The following NFATC1 variants were observed in gnomAD, a reference collection of about 807,000 sequenced individuals.
NFATC1 encodes the protein nuclear factor of activated T cells 1.
A neutral mutation model predicts 76.0 loss-of-function variants in NFATC1; 22 were observed. The ratio of observed to expected loss-of-function variants is 0.29; its 90% CI spans 0.21 to 0.41. NFATC1 has a LOEUF of 0.41. Among genes scored for constraint, NFATC1 ranks in the 10% least tolerant of loss-of-function variants. NFATC1 has a pLI of 1.00. For missense variants in NFATC1, 1,357 were observed against 1,337.7 expected, an observed-to-expected ratio of 1.01 and a Z score of -0.23; for synonymous variants, 704 against 613.1, an observed-to-expected ratio of 1.15 and a Z score of -2.19.
intron 8 of NFATC1, among the ~76,000 whole-genome samples, chr18:79,480,761 C>T (rs969481531): frequency 1.3e-5 from 2 of 152,200 alleles, no homozygotes; most frequent in Non-Finnish European, 1.5e-5. Flanking sequence ...CAGCTGTGCA[C>T]GGGGCCTCTA....
At chr18:79,443,838 C>T (rs2087085139) in intron 3 of NFATC1, among the ~76,000 whole-genome samples, 1 of 152,224 alleles carries the variant, frequency 6.6e-6, no homozygotes, top group Admixed American at 6.5e-5. Context: ...TGCTGGTCCG[C>T]CCACCCTCTC....
At chr18:79,400,372 C>CGGCCCG (rs2085157223) in intron 1 of NFATC1, 1 of 1,441,522 alleles carries the variant, frequency 6.9e-7, no homozygotes, top group Non-Finnish European at 9.2e-7. Context: ...GCTCCCGCCC[C>CGGCCCG]GGCCCCGGCC....
In NFATC1 at chr18:79,448,770, T is replaced by G; in HGVS notation, c.1387-12T>G. On this transcript the variant is annotated splice_polypyrimidine_tract_variant and intron_variant, in intron 3 of 9. Transcript: ENST00000427363. Reference sequence around the variant, plus strand: ...CTGGGTGCTGAGCAGGTGTTTTCTGTTCTCTCGCCAGCTGCATGGCTACTT... The same window carrying G: ...CTGGGTGCTGAGCAGGTGTTTTCTGGTCTCTCGCCAGCTGCATGGCTACTT... 1 of 1,611,340 alleles carries G rather than the reference T, an allele frequency of 6.2e-7. No individual in the cohort carries two copies. The highest frequency in any genetic ancestry group is 1.7e-4 in the Middle Eastern group (1 of 6,048).
intron 9 of NFATC1, among the ~76,000 whole-genome samples, chr18:79,516,301 G>A (rs181891462): frequency 1.2e-4 from 19 of 152,256 alleles, no homozygotes; most frequent in Non-Finnish European, 2.2e-4. Context: ...GCCCTGTGGC[G>A]GTGGCTTATT....
rs544011435 is a variant in NFATC1, at chr18:79,473,145, G to GCGC, written c.2092+5565_2092+5567dup. The stretch of plus-strand genomic sequence containing the variant: ...ACATTTCCAGCCCACAGCGTGGCCT[G>GCGC]CGCCACGCTCCAGGTCGCCACAGGG... On this transcript the variant is annotated intron_variant, in intron 8 of 9. Transcript: ENST00000427363. Among the ~76,000 whole-genome samples the GCGC allele has an allele frequency of 6.7e-3, 1,015 of 152,356 alleles. 11 individuals carry two copies. The highest frequency in any genetic ancestry group is 0.023 in the African/African-American group (953 of 41,586).
At chr18:79,399,969 TA>T (rs138345861) in intron 1 of NFATC1, among the ~76,000 whole-genome samples, 18 of 149,120 alleles carry the variant, frequency 1.2e-4, no homozygotes, top group South Asian at 4.2e-4. Flanking sequence ...AAAACTTCTT[TA>T]AAAAAAAAAC....
At chr18:79,501,868 TAAATG>T (rs1334029602) in intron 9 of NFATC1, among the ~76,000 whole-genome samples, 4 of 152,122 alleles carry the variant, frequency 2.6e-5, no homozygotes, top group Non-Finnish European at 5.9e-5. Flanking sequence ...AAGATCTAAA[TAAATG>T]GGAGAACATT....
intron 1 of NFATC1, among the ~76,000 whole-genome samples, chr18:79,396,999 T>C (rs2085029492): frequency 6.6e-6 from 1 of 152,166 alleles, no homozygotes; most frequent in Non-Finnish European, 1.5e-5. Flanking sequence ...TCAGGCAAGT[T>C]TGAAAAGGAA....
chr18:79,487,172 G>A (rs1425262126), intron 9 of NFATC1, among the ~76,000 whole-genome samples: 5 of 152,222 alleles, frequency 3.3e-5, no homozygotes, highest in Non-Finnish European at 7.4e-5. Flanking sequence ...GGCCCTTGGC[G>A]GGTCCTGGGC....
intron 8 of NFATC1, among the ~76,000 whole-genome samples, chr18:79,484,556 C>T (rs1471050329): frequency 2.6e-5 from 4 of 152,028 alleles, no homozygotes; most frequent in East Asian, 3.9e-4. Flanking sequence ...GCAGGGCGGA[C>T]GCTTTAAACC....
rs1013577833 is a variant in NFATC1, at chr18:79,486,644, C to T, written c.2489C>T (p.Pro830Leu). 2.5e-6 allele frequency: 4 copies of T among 1,603,284 alleles called. No homozygotes were observed. Among genetic ancestry groups the T allele is most frequent in the African/African-American group, 1.3e-5 (1 of 74,912 alleles). The change falls in exon 9 of 10, where the codon CCA becomes CTA. Residue 830 changes from proline (P) to leucine (L), a missense_variant. By Grantham distance (98) the Pro-to-Leu change is moderately conservative. Around this residue, in one of 3 missense-constraint regions of NFATC1, gnomAD observed 424 missense variants for 395.4 expected, o/e 1.07. Coordinates refer to ENST00000427363, the MANE Select transcript of NFATC1 (RefSeq NM_001278669.2). The part of the protein sequence containing the change: ...ALLPQQVSAP[P>L]SSSCPPGLEH... ...CTGCCACAGCAGGTGAGTGCGCCTC[C>T]AAGCAGTAGCTGCCCCCCTGGTCTC...
intron 9 of NFATC1, among the ~76,000 whole-genome samples, chr18:79,500,502 A>C (rs1352077092): frequency 6.6e-6 from 1 of 152,224 alleles, no homozygotes; most frequent in Non-Finnish European, 1.5e-5. Flanking sequence ...GAGAGAAAAA[A>C]CCCAAGGCAA....
intron 9 of NFATC1, among the ~76,000 whole-genome samples, chr18:79,516,364 AACTT>A (rs2090384062): frequency 6.6e-6 from 1 of 152,164 alleles, no homozygotes; most frequent in Non-Finnish European, 1.5e-5. Flanking sequence ...TGGACTTGAG[AACTT>A]ACTTTTTAAT....
At chr18:79,479,378 C>T (rs1569012533) in intron 8 of NFATC1, among the ~76,000 whole-genome samples, 1 of 152,238 alleles carries the variant, frequency 6.6e-6, no homozygotes, top group Non-Finnish European at 1.5e-5. Flanking sequence ...TGTGCGGCCC[C>T]CCTCCACGGG....
intron 2 of NFATC1, among the ~76,000 whole-genome samples, chr18:79,413,832 G>A (rs1385212634): frequency 6.6e-6 from 1 of 152,166 alleles, no homozygotes; most frequent in African/African-American, 2.4e-5. Context: ...TGGAAAGCAT[G>A]GGTGGCTGTT....
Position 79,432,360 on chromosome 18 carries a change from T to TG in NFATC1, c.1227-1218dup, listed in dbSNP as rs1453132628. 7.9e-5 allele frequency among the ~76,000 whole-genome samples: 12 copies of TG among 152,056 alleles called. No individual in the cohort carries two copies. The East Asian group carries it at 2.3e-3, about 29-fold the overall frequency. ...GGACAGTCGGCGGGCCCTGGGTCTC[T>TG]GCCCACACGGAGGTGAGGACGGTCG... is the stretch of plus-strand genomic sequence containing the variant. On this transcript the variant is annotated intron_variant, in intron 2 of 9. Transcript: ENST00000427363.
At chr18:79,405,395 G>T (rs1298110085) in intron 1 of NFATC1, among the ~76,000 whole-genome samples, 1 of 152,238 alleles carries the variant, frequency 6.6e-6, no homozygotes, top group Non-Finnish European at 1.5e-5. Flanking sequence ...ACATGAATCA[G>T]CCCAAGCGCC....
chr18:79,427,892 C>CTGTGCGGTGGGTGTAG (rs2086447397), intron 2 of NFATC1, among the ~76,000 whole-genome samples: 2 of 4,758 alleles, frequency 4.2e-4, no homozygotes, highest in African/African-American at 2.0e-3. Flanking sequence ...TGCAGTGAGT[C>CTGTGCGGTGGGTGTAG]GGGGAGGGGG....
chr18:79,449,937 A>G (rs1408729827), intron 4 of NFATC1, among the ~76,000 whole-genome samples: 1 of 152,230 alleles, frequency 6.6e-6, no homozygotes, highest in African/African-American at 2.4e-5. Flanking sequence ...TTGACTTTTC[A>G]AGCACTGGGA....
Sources: gnomAD v4.1 joint callset for allele counts (sites outside exome capture counted in the v4.1 genomes callset) on GRCh38, gnomAD v4.1.1 for gene constraint, gnomAD v4.1.1 regional missense constraint, MANE v1.5 for transcripts, NCBI Gene and HGNC (gene_info 2026-07-23, HGNC 2026-07-21) for gene names.